PSD3: variants seen among roughly 807,000 people sequenced by gnomAD.
PSD3 encodes the protein pleckstrin and Sec7 domain containing 3.
A neutral mutation model predicts 105.5 loss-of-function variants in PSD3; 49 were observed. The ratio of observed to expected loss-of-function variants is 0.46; its 90% CI spans 0.37 to 0.59. PSD3 has a LOEUF of 0.59. Among genes scored for constraint, PSD3 ranks in the 20% least tolerant of loss-of-function variants. The pLI is 0.00. For synonymous variants in PSD3, 557 were observed against 457.8 expected (o/e 1.22, Z -2.77); for missense variants, 1,561 against 1,263.8 (o/e 1.24, Z -3.57).
At chr8:19,062,242 G>A (rs544658109) in intron 1 of PSD3, among the ~76,000 whole-genome samples, 17 of 152,328 alleles carry the variant, frequency 1.1e-4, no homozygotes, top group South Asian at 8.3e-4. Context: ...TAGCAGAAGC[G>A]GCGGGGTCTC....
chr8:18,766,189 C>A (rs996999965), intron 8 of PSD3, among the ~76,000 whole-genome samples: 4 of 150,616 alleles, frequency 2.7e-5, no homozygotes, highest in Non-Finnish European at 4.4e-5. Context: ...CAAAATTTAG[C>A]CAGGCGTGGT....
chr8:18,651,956 C>T (rs1237779074), intron 10 of PSD3, among the ~76,000 whole-genome samples: 1 of 152,076 alleles, frequency 6.6e-6, no homozygotes, highest in Non-Finnish European at 1.5e-5. Flanking sequence ...AGACAGAAGG[C>T]CTTGTTGAGG....
rs1805210022 is a variant in PSD3, at chr8:18,610,831, AG to A, written c.2411-10398del. Among the ~76,000 whole-genome samples, 4 of 138,306 alleles carry A rather than the reference AG, an allele frequency of 2.9e-5. No homozygotes were observed. The South Asian group carries it at 1.1e-3, about 38-fold the overall frequency. The allele number at this position is 138,306 out of a possible 152,430, so 90.7% of individuals were successfully genotyped here. A position where few individuals can be genotyped will look rare whatever the true frequency, so the allele number is the denominator to read the frequency against. ...TTACCCTAAAATGTTCTGAAATGCCAGAAAGTATCATAAACTGGGAGCTAGG... is the reference window on the plus strand; with the variant it reads ...TTACCCTAAAATGTTCTGAAATGCCAAAAGTATCATAAACTGGGAGCTAGG... On this transcript the variant is annotated intron_variant, in intron 11 of 15. Transcript: ENST00000327040.
At chr8:18,662,968 T>C (rs1585542691) in intron 9 of PSD3, among the ~76,000 whole-genome samples, 1 of 152,188 alleles carries the variant, frequency 6.6e-6, no homozygotes, top group African/African-American at 2.4e-5. Context: ...AGGGGAGCAA[T>C]GGGACTCTGA....
At chr8:18,772,541 T>A (rs1422442952) in intron 8 of PSD3, among the ~76,000 whole-genome samples, 1 of 152,128 alleles carries the variant, frequency 6.6e-6, no homozygotes, top group Non-Finnish European at 1.5e-5. Context: ...GGAGTTTTGC[T>A]CTCGTGGCCC....
intron 1 of PSD3, among the ~76,000 whole-genome samples, chr8:19,068,427 C>T (rs1370221013): frequency 6.6e-6 from 1 of 152,024 alleles, no homozygotes; most frequent in Non-Finnish European, 1.5e-5. Flanking sequence ...CAAGCTGGGA[C>T]TGCAGGTGTA....
intron 9 of PSD3, among the ~76,000 whole-genome samples, chr8:18,661,404 T>A (rs550979467): frequency 7.2e-5 from 11 of 152,358 alleles, no homozygotes; most frequent in Admixed American, 3.3e-4. Context: ...GGCAGTGTTA[T>A]CAGAGAAAGA....
At chr8:19,051,767 G>T (rs899800057) in intron 1 of PSD3, among the ~76,000 whole-genome samples, 1 of 152,116 alleles carries the variant, frequency 6.6e-6, no homozygotes, top group African/African-American at 2.4e-5. Flanking sequence ...GTTCATCATT[G>T]TATCCACCGT....
chr8:18,793,381 A>AC (rs974333707), intron 8 of PSD3, among the ~76,000 whole-genome samples: 6 of 151,212 alleles, frequency 4.0e-5, no homozygotes, highest in African/African-American at 7.3e-5. Flanking sequence ...AGAAAAAAAA[A>AC]ACAAAACAAA....
intron 9 of PSD3, among the ~76,000 whole-genome samples, chr8:18,731,341 T>TA (rs746118998): frequency 6.6e-6 from 1 of 152,156 alleles, no homozygotes; most frequent in Non-Finnish European, 1.5e-5. Flanking sequence ...GAGTCAGTGT[T>TA]AAAAAATAAA....
At chr8:18,561,703 T>C (rs1174330496) in intron 14 of PSD3, among the ~76,000 whole-genome samples, 1 of 152,124 alleles carries the variant, frequency 6.6e-6, no homozygotes, top group Non-Finnish European at 1.5e-5. Flanking sequence ...TAAAAAAATA[T>C]TTAATTTTTT....
At chr8:18,621,547 A>G (rs75213713) in intron 11 of PSD3, among the ~76,000 whole-genome samples, 5,612 of 152,278 alleles carry the variant, frequency 0.037, 150 homozygotes, top group East Asian at 0.13. Context: ...TTTTAGTCTA[A>G]ATTTTGAATT....
chr8:18,850,098 T>G (rs1815441776), intron 4 of PSD3, among the ~76,000 whole-genome samples: 1 of 152,258 alleles, frequency 6.6e-6, no homozygotes, highest in Admixed American at 6.5e-5. Flanking sequence ...ACAGGATAGA[T>G]GTACTTCTCT....
At chr8:18,752,233 TC>T in intron 9 of PSD3, among the ~76,000 whole-genome samples, 1 of 151,036 alleles carries the variant, frequency 6.6e-6, no homozygotes, top group East Asian at 2.0e-4. Flanking sequence ...ACATACAATA[TC>T]AAGTTGTACA....
Position 18,770,756 on chromosome 8 carries a change from C to G in PSD3, c.2083-5218G>C, listed in dbSNP as rs891230028. Among the ~76,000 whole-genome samples, 5 of 152,212 alleles carry G rather than the reference C, an allele frequency of 3.3e-5. No homozygotes were observed. The East Asian group carries it at 9.6e-4, about 29-fold the overall frequency. On this transcript the variant is annotated intron_variant, in intron 8 of 15. Transcript: ENST00000327040. The stretch of plus-strand genomic sequence containing the variant: ...CTGCATATGGCTTAAGTGTTAACAG[C>G]TCAGTGGATCCTCTGCCTTTTTGGG...
chr8:18,614,929 C>G (rs1028581636), intron 11 of PSD3, among the ~76,000 whole-genome samples: 1 of 152,112 alleles, frequency 6.6e-6, no homozygotes, highest in Non-Finnish European at 1.5e-5. Context: ...AACCACTGCA[C>G]AGGCCTCATA....
chr8:18,939,030 G>C (rs199978124), intron 1 of PSD3, among the ~76,000 whole-genome samples: 1 of 143,710 alleles, frequency 7.0e-6, no homozygotes, highest in Non-Finnish European at 1.5e-5. Flanking sequence ...ACATCAGAAA[G>C]AACATTTTTA....
In PSD3 at chr8:18,919,660, G is replaced by A. The variant is rs73582671; in HGVS notation, c.130+16374C>T. Among the ~76,000 whole-genome samples the A allele has an allele frequency of 6.7e-3, 1,023 of 152,014 alleles. 9 individuals carry two copies. The highest frequency in any genetic ancestry group is 0.023 in the African/African-American group (958 of 41,450). ...CCACTGCTTTCCTTCACTTCCCTGC[G>A]CAATACAAAGAGTGTAATTTTCTAT... On this transcript the variant is annotated intron_variant, in intron 2 of 15. Transcript: ENST00000327040.
At chr8:19,060,924 A>G (rs2129477541) in intron 1 of PSD3, among the ~76,000 whole-genome samples, 1 of 152,306 alleles carries the variant, frequency 6.6e-6, no homozygotes, top group South Asian at 2.1e-4. Flanking sequence ...TGGCAGGGTA[A>G]CAACAGCCCC....
Sources: gnomAD v4.1 joint callset for allele counts (sites outside exome capture counted in the v4.1 genomes callset) on GRCh38, gnomAD v4.1.1 for gene constraint, MANE v1.5 for transcripts, NCBI Gene and HGNC (gene_info 2026-07-23, HGNC 2026-07-21) for gene names.